The following MOCS1 variants were observed in gnomAD, a reference collection of about 807,000 sequenced individuals.
MOCS1 encodes the protein molybdenum cofactor synthesis 1, also known as molybdenum cofactor biosynthesis protein 1.
Under a neutral mutation model 57.6 loss-of-function variants are expected in MOCS1, and 39 were observed. That is an observed-to-expected ratio of 0.68 (90% confidence interval 0.52 to 0.88). MOCS1 has a LOEUF of 0.88. MOCS1 is among the 40% of genes least tolerant of loss of function. The probability of loss-of-function intolerance (pLI) is 0.00; values close to 1 mark genes in which losing one functional copy is unlikely to be tolerated. For missense variants in MOCS1, 795 were observed against 831.1 expected (o/e 0.96, Z 0.53); for synonymous variants, 334 against 335.7 (o/e 1.00, Z 0.05).
chr6:39,929,054 G>A (rs1004431410), intron 1 of MOCS1, among the ~76,000 whole-genome samples: 1 of 152,212 alleles, frequency 6.6e-6, no homozygotes, highest in African/African-American at 2.4e-5. Context: ...ACTGGGTCAA[G>A]AGCCACTGAG....
intron 7 of MOCS1, among the ~76,000 whole-genome samples, 167 bp from the exon 8 acceptor site, chr6:39,912,541 ATGACCCATGGGT>A (rs1013493082): frequency 6.6e-6 from 1 of 152,140 alleles, no homozygotes; most frequent in Non-Finnish European, 1.5e-5. Flanking sequence ...GGTAGGATGG[ATGACCCATGGGT>A]TGACCTATGC....
chr6:39,927,672 G>A (rs1262621824), intron 1 of MOCS1: 37 of 1,553,824 alleles, frequency 2.4e-5, no homozygotes, highest in Non-Finnish European at 2.9e-5. Context: ...TATTCAGCTT[G>A]GGGGTCGGGG....
chr6:39,904,363 GACTCAT>G lies in MOCS1; in HGVS notation c.*1988_*1993del, dbSNP rs1435595637. 2 of 456,540 alleles carry G rather than the reference GACTCAT, an allele frequency of 4.4e-6. No individual in the cohort carries two copies. Among genetic ancestry groups the G allele is most frequent in the Non-Finnish European group, 8.8e-6 (2 of 226,970 alleles). The allele number at this position is 456,540 out of a possible 1,614,324, so 28.3% of individuals were successfully genotyped here. ...ATCTCCAACAGTGCCTTGGACCATG[GACTCAT>G]ACTCAACTGAGTAAGAAGGGGCTGG... On this transcript the variant is annotated 3_prime_UTR_variant, in exon 11 of 11. Coordinates refer to ENST00000340692, the MANE Select transcript of MOCS1 (RefSeq NM_001358530.2).
chr6:39,925,967 G>T, intron 2 of MOCS1, 122 bp from the exon 3 acceptor site: 1 of 1,088,042 alleles, frequency 9.2e-7, no homozygotes, highest in Non-Finnish European at 1.3e-6. Context: ...GGATGTGAGC[G>T]GAGACCTCAC....
At chr6:39,927,239 A>C (rs1212941294) in intron 2 of MOCS1, 90 bp downstream of exon 2, 1 of 1,510,188 alleles carries the variant, frequency 6.6e-7, no homozygotes, top group Admixed American at 1.7e-5. Context: ...GAACTGGAGG[A>C]CACAGGAGGA....
intron 8 of MOCS1, among the ~76,000 whole-genome samples, chr6:39,911,160 A>C (rs1767302625): frequency 6.6e-6 from 1 of 151,952 alleles, no homozygotes; most frequent in African/African-American, 2.4e-5. Flanking sequence ...CCCACCTTCC[A>C]TTTCCTGCCA....
chr6:39,923,288 T>A (rs1440606809), intron 3 of MOCS1, among the ~76,000 whole-genome samples: 1 of 152,156 alleles, frequency 6.6e-6, no homozygotes, highest in Non-Finnish European at 1.5e-5. Flanking sequence ...AAGTGGCTCA[T>A]CCACAGCTGA....
At chr6:39,926,511 T>C (rs1308032197) in intron 2 of MOCS1, among the ~76,000 whole-genome samples, 1 of 150,962 alleles carries the variant, frequency 6.6e-6, no homozygotes, top group East Asian at 2.0e-4. Flanking sequence ...AAGGTTTGGG[T>C]CAAGATCTGT....
chr6:39,925,855 G>T lies in MOCS1; in HGVS notation c.251-10C>A. The T allele has an allele frequency of 6.2e-7, 1 of 1,604,254 alleles. No homozygotes were observed. Among genetic ancestry groups the T allele is most frequent in the South Asian group, 1.1e-5 (1 of 90,650 alleles). ...GGCATGCAGTACTGACCTGAGGGAA[G>T]GATGAATGGGAATGTGGAGGGAGGA... On this transcript the variant is annotated splice_polypyrimidine_tract_variant and intron_variant, in intron 2 of 10. Transcript: ENST00000340692.
chr6:39,922,517 T>A (rs1488280033), intron 3 of MOCS1, among the ~76,000 whole-genome samples: 1 of 152,126 alleles, frequency 6.6e-6, no homozygotes, highest in African/African-American at 2.4e-5. Context: ...AGGACACCCA[T>A]GCTCTATGGG....
At chr6:39,909,760 C>T in intron 9 of MOCS1, 75 bp downstream of exon 9, 1 of 1,597,328 alleles carries the variant, frequency 6.3e-7, no homozygotes, top group Non-Finnish European at 8.5e-7. Flanking sequence ...TCATCTCACC[C>T]CACAACTCCA....
chr6:39,931,188 A>G (rs1322797929), intron 1 of MOCS1, among the ~76,000 whole-genome samples: 1 of 146,580 alleles, frequency 6.8e-6, no homozygotes, highest in African/African-American at 2.5e-5. Context: ...TCTCATGTCT[A>G]CCCAATGCAG....
chr6:39,927,342 C>A lies in MOCS1; in HGVS notation c.237G>T (p.Lys79Asn), dbSNP rs1412619494. Residue 79 changes from lysine (K) to asparagine (N), a missense_variant, in exon 2 of 11, where the codon AAG becomes AAT. Physicochemically the swap from Lys to Asn is moderately conservative, Grantham distance 94. Around this residue, in one of 3 missense-constraint regions of MOCS1, gnomAD observed 416 missense variants for 392.4 expected, o/e 1.06. Transcript: ENST00000340692. Reference sequence around the variant, plus strand: ...AAGGTGACTCACATCTGAGGTTGCACTTCTCTGTGAGGGAGATCCGCAGGT... The same window carrying A: ...AAGGTGACTCACATCTGAGGTTGCAATTCTCTGTGAGGGAGATCCGCAGGT... ...HSYLRISLTE[K>N]CNLRCQYCMP... The A allele has an allele frequency of 1.2e-6, 2 of 1,611,378 alleles. No individual in the cohort carries two copies. The highest frequency in any genetic ancestry group is 1.3e-5 in the African/African-American group (1 of 75,000).
intron 3 of MOCS1, among the ~76,000 whole-genome samples, chr6:39,924,023 G>A (rs778632906): frequency 2.6e-5 from 4 of 152,184 alleles, no homozygotes; most frequent in Admixed American, 6.5e-5. Flanking sequence ...TCAAGAACAT[G>A]GAACCTCATA....
intron 7 of MOCS1, 50 bp from the exon 8 acceptor site, chr6:39,912,424 T>G: frequency 3.9e-6 from 5 of 1,296,356 alleles, no homozygotes; most frequent in Non-Finnish European, 5.6e-6. Flanking sequence ...GATGGGCTAC[T>G]GAGCCCAGTT....
Position 39,913,258 on chromosome 6 carries a change from T to C in MOCS1, c.757+59A>G, listed in dbSNP as rs1767446667. On this transcript the variant is annotated intron_variant, in intron 6 of 10. Transcript: ENST00000340692. ...GCCATACCCAGTGGGTGAGCCACAC[T>C]ATGCGACCTGCAGGCCCAACCCCTT... The C allele has an allele frequency of 5.5e-6, 8 of 1,453,478 alleles. No homozygotes were observed. The Admixed American group carries it at 1.3e-4, about 24-fold the overall frequency. 90.0% of individuals were successfully genotyped at this position (1,453,478 alleles called of 1,614,324 possible). A position where few individuals can be genotyped will look rare whatever the true frequency, so the allele number is the denominator to read the frequency against.
Position 39,912,922 on chromosome 6 carries a change from C to G in MOCS1, c.840G>C (p.Lys280Asn). The change falls in exon 7 of 11, where the codon AAG (lysine) becomes AAC (asparagine). Residue 280 changes from lysine (K) to asparagine (N), a missense_variant. By Grantham distance (94) the Lys-to-Asn change is moderately conservative. Around this residue, in one of 3 missense-constraint regions of MOCS1, gnomAD observed 416 missense variants for 392.4 expected, o/e 1.06. Coordinates refer to ENST00000340692, the MANE Select transcript of MOCS1 (RefSeq NM_001358530.2). ...CTGTGCTGGATTCCTCCTCTGGCAC[C>G]TTCTCCAGCTCTGGCCACTGCTGCC... is the stretch of plus-strand genomic sequence containing the variant. ...TVRQQWPELE[K>N]VPEEESSTAK... The G allele has an allele frequency of 6.2e-7, 1 of 1,614,192 alleles. No homozygotes were observed. Among genetic ancestry groups the G allele is most frequent in the Non-Finnish European group, 8.5e-7 (1 of 1,180,026 alleles).
intron 3 of MOCS1, among the ~76,000 whole-genome samples, chr6:39,918,231 T>C (rs868009624): frequency 7.2e-5 from 11 of 152,220 alleles, no homozygotes; most frequent in Admixed American, 4.6e-4. Context: ...CAAGAAGCTA[T>C]GTAAACGTAT....
intron 1 of MOCS1, among the ~76,000 whole-genome samples, chr6:39,928,116 A>C (rs1768441959): frequency 6.6e-6 from 1 of 151,932 alleles, no homozygotes; most frequent in African/African-American, 2.4e-5. Context: ...GGGGTCCAAG[A>C]ACACCCTCGG....
Sources: allele counts gnomAD v4.1 joint callset (sites outside exome capture counted in the v4.1 genomes callset), GRCh38; gene constraint gnomAD v4.1.1; regional missense constraint gnomAD v4.1.1; transcripts MANE v1.5; gene names NCBI Gene and HGNC (gene_info 2026-07-23, HGNC 2026-07-21).